Variants in MAGI2 observed in about 807,000 individuals in gnomAD.
MAGI2 encodes membrane associated guanylate kinase, WW and PDZ domain containing 2.
Under a neutral mutation model 133.3 loss-of-function variants are expected in MAGI2, and 35 were observed. The ratio of observed to expected loss-of-function variants is 0.26; its 90% CI spans 0.20 to 0.35. MAGI2 has a LOEUF of 0.35. Among genes scored for constraint, MAGI2 ranks in the 10% least tolerant of loss-of-function variants. The pLI is 1.00. For missense variants in MAGI2, 1,636 were observed against 1,863.4 expected (o/e 0.88, Z 2.25); for synonymous variants, 729 against 710.6 (o/e 1.03, Z -0.41).
rs540598114 is a variant in MAGI2 at position 79,009,048 on chromosome 7, T to C, written c.302-1842A>G. ...TTTTTTCAATCTAATATGTGGGACATACCAAGTGATGAGATCCTTTCTGGC... is the reference window on the plus strand; with the variant it reads ...TTTTTTCAATCTAATATGTGGGACACACCAAGTGATGAGATCCTTTCTGGC... On this transcript the variant is annotated intron_variant, in intron 1 of 21. Coordinates refer to ENST00000354212, the MANE Select transcript of MAGI2 (RefSeq NM_012301.4). The C allele has an allele frequency of 2.0e-5, 3 of 152,146 alleles. No individual in the cohort carries two copies. In the South Asian group the frequency reaches 6.2e-4, roughly 32 times the overall value. 9.4% of individuals were successfully genotyped at this position (152,146 alleles called of 1,614,324 possible).
At chr7:78,047,195 A>G (rs1811523260) in intron 21 of MAGI2, among the ~76,000 whole-genome samples, 1 of 152,124 alleles carries the variant, frequency 6.6e-6, no homozygotes. Flanking sequence ...CTGGGGGAGG[A>G]TGATTTAGAT....
intron 2 of MAGI2, among the ~76,000 whole-genome samples, chr7:78,914,570 G>A (rs1346106440): frequency 6.6e-6 from 1 of 152,056 alleles, no homozygotes; most frequent in Non-Finnish European, 1.5e-5. Flanking sequence ...TTCACAGAAG[G>A]AACACACGAT....
intron 9 of MAGI2, among the ~76,000 whole-genome samples, chr7:78,293,053 G>T (rs1796880084): frequency 6.6e-6 from 1 of 152,140 alleles, no homozygotes; most frequent in Non-Finnish European, 1.5e-5. Context: ...AACACCAAAA[G>T]CAATGGCAAC....
chr7:78,276,958 ACTT>A lies in MAGI2; in HGVS notation c.1409-20380_1409-20378del, dbSNP rs1296620072. 7.2e-5 allele frequency among the ~76,000 whole-genome samples: 11 copies of A among 152,086 alleles called. 1 individual carries two copies. Among genetic ancestry groups the A allele is most frequent in the Non-Finnish European group, 1.3e-4 (9 of 68,002 alleles). ...CTAGGTCCTAAGCATTCACTTCCAG[ACTT>A]CTTATTTCTCTCTGCATTCCATATT... On this transcript the variant is annotated intron_variant, in intron 9 of 21. Coordinates refer to ENST00000354212, the MANE Select transcript of MAGI2 (RefSeq NM_012301.4).
chr7:79,304,910 G>T (rs1189810442), intron 1 of MAGI2, among the ~76,000 whole-genome samples: 1 of 152,136 alleles, frequency 6.6e-6, no homozygotes, highest in Non-Finnish European at 1.5e-5. Context: ...AACCAGGAAA[G>T]GTCACAGTGC....
rs377135351 is a variant in MAGI2 at position 78,767,460 on chromosome 7, G to A, written c.419-140221C>T. Among the ~76,000 whole-genome samples the A allele has an allele frequency of 6.9e-4, 105 of 152,158 alleles. No homozygotes were observed. The South Asian group carries it at 0.021, about 30-fold the overall frequency. ...GAGCAAAAGCTGATTGCAGACAGTAGAAGAAAAATGTTCCTGAAATTGAAC... is the reference window on the plus strand; with the variant it reads ...GAGCAAAAGCTGATTGCAGACAGTAAAAGAAAAATGTTCCTGAAATTGAAC... On this transcript the variant is annotated intron_variant, in intron 2 of 21. Transcript: ENST00000354212.
chr7:78,600,499 C>T (rs900437483), intron 3 of MAGI2, among the ~76,000 whole-genome samples: 3 of 151,984 alleles, frequency 2.0e-5, no homozygotes, highest in African/African-American at 7.2e-5. Flanking sequence ...ATAAATTATC[C>T]TATGTGTTTG....
intron 1 of MAGI2, among the ~76,000 whole-genome samples, chr7:79,227,629 A>G (rs562468182): frequency 6.6e-6 from 1 of 152,324 alleles, no homozygotes; most frequent in Non-Finnish European, 1.5e-5. Flanking sequence ...TCTCTGATAC[A>G]CATAGCTAAT....
chr7:78,621,464 T>C (rs1319663914), intron 3 of MAGI2, among the ~76,000 whole-genome samples: 1 of 152,022 alleles, frequency 6.6e-6, no homozygotes, highest in Non-Finnish European at 1.5e-5. Context: ...GATGAAATCA[T>C]CCGAGTCATG....
At chr7:78,270,732 G>A (rs924345925) in intron 9 of MAGI2, among the ~76,000 whole-genome samples, 6 of 151,854 alleles carry the variant, frequency 4.0e-5, no homozygotes, top group African/African-American at 2.4e-5. Context: ...ACAGACCAAC[G>A]AGACAGAAAA....
intron 6 of MAGI2, among the ~76,000 whole-genome samples, chr7:78,384,415 A>C (rs2191326): frequency 0.47 from 71,518 of 152,008 alleles, 17,816 homozygotes; most frequent in Middle Eastern, 0.59. Flanking sequence ...TTTATAATAT[A>C]TGCTACTAGG....
chr7:78,477,147 T>C (rs117460590), intron 6 of MAGI2, among the ~76,000 whole-genome samples: 1,799 of 152,030 alleles, frequency 0.012, 16 homozygotes, highest in Non-Finnish European at 0.017. Context: ...GTGCTTCACC[T>C]TTCTATTTTG....
intron 1 of MAGI2, among the ~76,000 whole-genome samples, chr7:79,171,632 G>A (rs1825556239): frequency 6.7e-6 from 1 of 149,194 alleles, no homozygotes; most frequent in African/African-American, 2.4e-5. Flanking sequence ...ATGGTCATAT[G>A]TCTACAGGTA....
intron 3 of MAGI2, among the ~76,000 whole-genome samples, chr7:78,558,151 T>C (rs1800019485): frequency 6.6e-6 from 1 of 152,204 alleles, no homozygotes; most frequent in Non-Finnish European, 1.5e-5. Flanking sequence ...GGCAATTATC[T>C]GATGTTATGA....
At chr7:79,360,385 C>CCT (rs1842304716) in intron 1 of MAGI2, among the ~76,000 whole-genome samples, 1 of 151,776 alleles carries the variant, frequency 6.6e-6, no homozygotes, top group African/African-American at 2.4e-5. Flanking sequence ...AAAGTAGTTT[C>CCT]TTCAAATAGA....
At chr7:78,029,025 AATAACCTTATTAAT>A (rs1360693522) in intron 21 of MAGI2, among the ~76,000 whole-genome samples, 3 of 152,110 alleles carry the variant, frequency 2.0e-5, no homozygotes, top group Admixed American at 6.5e-5. Flanking sequence ...CTGTTATATT[AATAACCTTATTAAT>A]ATAACCTTAT....
chr7:79,398,210 C>T (rs578157508), intron 1 of MAGI2, among the ~76,000 whole-genome samples: 1 of 152,310 alleles, frequency 6.6e-6, no homozygotes, highest in South Asian at 2.1e-4. Context: ...ATGGCAGCAA[C>T]ATGTGATCTC....
rs191251100 is a variant in MAGI2, at chr7:78,375,581, A to T, written c.1046-6368T>A. On this transcript the variant is annotated intron_variant, in intron 6 of 21. Coordinates refer to ENST00000354212, the MANE Select transcript of MAGI2 (RefSeq NM_012301.4). ...TTATTTTATGTTGACTAGCCTTTTTAAAAAAAAAACAAAATTTGAGGTTCT... is the reference window on the plus strand; with the variant it reads ...TTATTTTATGTTGACTAGCCTTTTTTAAAAAAAAACAAAATTTGAGGTTCT... Among the ~76,000 whole-genome samples, 199 of 148,834 alleles carry T rather than the reference A, an allele frequency of 1.3e-3. 1 individual carries two copies. The highest frequency in any genetic ancestry group is 3.0e-3 in the Admixed American group (44 of 14,838).
intron 2 of MAGI2, among the ~76,000 whole-genome samples, chr7:78,931,586 C>T (rs1000556268): frequency 7.3e-5 from 11 of 150,778 alleles, no homozygotes; most frequent in South Asian, 6.2e-4. Flanking sequence ...AAAATGCTGC[C>T]GTTTATGCCA....
Sources: allele counts gnomAD v4.1 joint callset (sites outside exome capture counted in the v4.1 genomes callset), GRCh38; gene constraint gnomAD v4.1.1; transcripts MANE v1.5; gene names NCBI Gene and HGNC (gene_info 2026-07-23, HGNC 2026-07-21).